Variants in SRCIN1 observed in about 807,000 individuals in gnomAD.
SRCIN1 encodes the protein SRC kinase signaling inhibitor 1, also known as P130Cas-associated protein.
SRCIN1 carries 50 observed loss-of-function variants against 116.2 expected under a neutral mutation model. The ratio of observed to expected loss-of-function variants is 0.43; its 90% CI spans 0.34 to 0.54. SRCIN1 has a LOEUF of 0.54. SRCIN1 is among the 20% of genes least tolerant of loss of function. The pLI is 0.02. For synonymous variants in SRCIN1, 736 were observed against 750.0 expected (o/e 0.98, Z 0.30); for missense variants, 1,446 against 1,672.0 (o/e 0.86, Z 2.36).
chr17:38,562,508 G>C lies in SRCIN1; in HGVS notation c.835-180C>G, dbSNP rs1452425406. Among the ~76,000 whole-genome samples, 1 of 152,242 alleles carries C rather than the reference G, an allele frequency of 6.6e-6. No homozygotes were observed. Among genetic ancestry groups the C allele is most frequent in the African/African-American group, 2.4e-5 (1 of 41,474 alleles). On this transcript the variant is annotated intron_variant, in intron 6 of 18. Coordinates refer to ENST00000617146, the MANE Select transcript of SRCIN1 (RefSeq NM_025248.3). The surrounding 1 kb of genome is among the most constrained non-coding windows in gnomAD (Gnocchi z 4.2). The stretch of plus-strand genomic sequence containing the variant: ...TCAGGGTTCCTAGCATGGAGGAAAA[G>C]GTGGCCGATGAAGAGGCACCAGAGG...
chr17:38,569,772 G>T (rs998403240), intron 2 of SRCIN1, among the ~76,000 whole-genome samples: 1 of 152,184 alleles, frequency 6.6e-6, no homozygotes, highest in African/African-American at 2.4e-5. Context: ...ATGGACTGAG[G>T]CCACCCCCAG....
intron 17 of SRCIN1, among the ~76,000 whole-genome samples, chr17:38,547,266 G>A (rs1365847452): frequency 6.6e-6 from 1 of 152,180 alleles, no homozygotes. Flanking sequence ...ATAGATTCTA[G>A]GGGAAAAACA....
intron 1 of SRCIN1, among the ~76,000 whole-genome samples, chr17:38,595,467 C>T (rs549515406): frequency 1.1e-4 from 16 of 152,320 alleles, no homozygotes; most frequent in African/African-American, 3.8e-4. Context: ...CCGCCTGCCT[C>T]GGCCTCCCAA....
At chr17:38,535,722 G>A (rs2040991139) in intron 18 of SRCIN1, among the ~76,000 whole-genome samples, 1 of 152,040 alleles carries the variant, frequency 6.6e-6, no homozygotes, top group African/African-American at 2.4e-5. Flanking sequence ...ACTTACCTTG[G>A]GCTCAGTCCT....
chr17:38,559,436 T>G, intron 10 of SRCIN1, 149 bp downstream of exon 10: 1 of 775,784 alleles, frequency 1.3e-6, no homozygotes, highest in East Asian at 3.0e-5. Context: ...GGAGAAAGGG[T>G]TCGGAGAGAG....
At chr17:38,603,754 C>G (rs1443270249) in intron 1 of SRCIN1, among the ~76,000 whole-genome samples, 1 of 151,980 alleles carries the variant, frequency 6.6e-6, no homozygotes, top group African/African-American at 2.4e-5. Flanking sequence ...AGGGGGGGTG[C>G]ATCTTATTCT....
chr17:38,538,782 G>A (rs1904551479), intron 18 of SRCIN1, among the ~76,000 whole-genome samples: 1 of 152,140 alleles, frequency 6.6e-6, no homozygotes. Flanking sequence ...CAGGGCAACA[G>A]AATCCAGCAC....
rs1909319650 is a variant in SRCIN1, at chr17:38,605,682, G to A, written c.22+2C>T. 2 of 1,310,442 alleles carry A rather than the reference G, an allele frequency of 1.5e-6. No individual in the cohort carries two copies. The highest frequency in any genetic ancestry group is 4.4e-5 in the South Asian group (2 of 44,958). 81.2% of individuals were successfully genotyped at this position (1,310,442 alleles called of 1,614,324 possible). A position where few individuals can be genotyped will look rare whatever the true frequency, so the allele number is the denominator to read the frequency against. On this transcript the variant is annotated splice_donor_variant, in intron 1 of 18. Transcript: ENST00000617146. LOFTEE classifies it low-confidence loss of function (GC_TO_GT_DONOR). ...TTAGGGAGGAGAGAGACAGGGACAT[G>A]CCTTGGGACGGAGCGTTCCCCATCG...
upstream of SRCIN1, among the ~76,000 whole-genome samples, chr17:38,606,346 G>T (rs1909368405): frequency 6.6e-6 from 1 of 152,022 alleles, no homozygotes; most frequent in Admixed American, 6.5e-5. This position sits in a 1 kb window ranked among gnomAD's most constrained non-coding sequence, Gnocchi z 5.2. Flanking sequence ...GGGGCTGGGT[G>T]GGGAGGCGGG....
At chr17:38,605,475 T>C (rs1161814003) in intron 1 of SRCIN1, among the ~76,000 whole-genome samples, 1 of 135,854 alleles carries the variant, frequency 7.4e-6, no homozygotes, top group Non-Finnish European at 1.6e-5. Flanking sequence ...AGCACTCCTC[T>C]CGCCCGGGTC....
At position 38,564,324 on chromosome 17, in the gene SRCIN1, C is replaced by G. The variant is rs1393311379; in HGVS notation, c.346-11G>C. On this transcript the variant is annotated splice_polypyrimidine_tract_variant and intron_variant, in intron 3 of 18. Transcript: ENST00000617146. ...GCGTGAGCTGCGGGTCTGCAGGGGC[C>G]GGGCAGGGTGAGAGGAACCAAGGAT... is the stretch of plus-strand genomic sequence containing the variant. The G allele has an allele frequency of 1.3e-6, 2 of 1,535,500 alleles. No individual in the cohort carries two copies. Among genetic ancestry groups the G allele is most frequent in the Non-Finnish European group, 1.7e-6 (2 of 1,144,912 alleles).
At chr17:38,590,667 G>A (rs2471631) in intron 1 of SRCIN1, among the ~76,000 whole-genome samples, 38,993 of 152,126 alleles carry the variant, frequency 0.26, 6,614 homozygotes, top group African/African-American at 0.48. Context: ...AAGAAACTGA[G>A]GCTCAGGAAG....
Position 38,562,770 on chromosome 17 carries a change from C to G in SRCIN1, c.834+57G>C. 3 of 1,490,908 alleles carry G rather than the reference C, an allele frequency of 2.0e-6. No individual in the cohort carries two copies. The highest frequency in any genetic ancestry group is 2.8e-6 in the Non-Finnish European group (3 of 1,080,064). 92.4% of individuals were successfully genotyped at this position (1,490,908 alleles called of 1,614,324 possible). Reference sequence around the variant, plus strand: ...CCAGATGACAACTGCCCAGACCCTGCTCCCCTGGACCCCATGTGCCCAGCC... The same window carrying G: ...CCAGATGACAACTGCCCAGACCCTGGTCCCCTGGACCCCATGTGCCCAGCC... On this transcript the variant is annotated intron_variant, in intron 6 of 18. Transcript: ENST00000617146. The surrounding 1 kb of genome is among the most constrained non-coding windows in gnomAD (Gnocchi z 4.2).
Position 38,562,748 on chromosome 17 carries a change from G to T in SRCIN1, c.834+79C>A. 1 of 1,314,576 alleles carries T rather than the reference G, an allele frequency of 7.6e-7. No homozygotes were observed. The highest frequency in any genetic ancestry group is 1.1e-6 in the Non-Finnish European group (1 of 935,884). The allele number at this position is 1,314,576 out of a possible 1,614,324, so 81.4% of individuals were successfully genotyped here. ...TTCTCCAAAGCTGGCCCTGGTTCCAGATGACAACTGCCCAGACCCTGCTCC... is the reference window on the plus strand; with the variant it reads ...TTCTCCAAAGCTGGCCCTGGTTCCATATGACAACTGCCCAGACCCTGCTCC... On this transcript the variant is annotated intron_variant, in intron 6 of 18. Transcript: ENST00000617146. This position sits in a 1 kb window ranked among gnomAD's most constrained non-coding sequence, Gnocchi z 4.2.
chr17:38,548,558 T>C lies in SRCIN1; in HGVS notation c.3269A>G (p.Glu1090Gly). 2.5e-6 allele frequency: 4 copies of C among 1,610,768 alleles called. No homozygotes were observed. Among genetic ancestry groups the C allele is most frequent in the Non-Finnish European group, 2.5e-6 (3 of 1,179,738 alleles). ...GGGGCCAGGTGTGCCCTGACCTACCTCTAGCTCTGCGATGATGCGATCCTC... is the reference window on the plus strand; with the variant it reads ...GGGGCCAGGTGTGCCCTGACCTACCCCTAGCTCTGCGATGATGCGATCCTC... ...DDEDRIIAEL[E>G]SGGGSVPPMK... The change falls in exon 17 of 19, where the codon GAG becomes GGG. Residue 1090 changes from glutamate to glycine, a missense_variant and splice_region_variant. By Grantham distance (98) the Glu-to-Gly change is moderately conservative. This residue lies in a region of SRCIN1 where 531 missense variants were observed against 633.9 expected (regional missense o/e 0.84). Coordinates refer to ENST00000617146, the MANE Select transcript of SRCIN1 (RefSeq NM_025248.3).
intron 17 of SRCIN1, among the ~76,000 whole-genome samples, chr17:38,547,020 G>T (rs1905115994): frequency 6.6e-6 from 1 of 152,214 alleles, no homozygotes; most frequent in Non-Finnish European, 1.5e-5. Flanking sequence ...CAGACAGCAG[G>T]TTCACCCCCA....
chr17:38,554,362 C>T (rs145126216), intron 11 of SRCIN1, among the ~76,000 whole-genome samples: 377 of 152,320 alleles, frequency 2.5e-3, no homozygotes, highest in African/African-American at 8.4e-3. Flanking sequence ...CTGGCTTCTG[C>T]TTAGAGCCCT....
In SRCIN1 at chr17:38,550,421, G is replaced by C. The variant is rs150578984; in HGVS notation, c.2962+734C>G. Among the ~76,000 whole-genome samples the C allele has an allele frequency of 7.9e-3, 1,197 of 152,282 alleles. 11 individuals are homozygous for C. The highest frequency in any genetic ancestry group is 0.027 in the African/African-American group (1,140 of 41,552). On this transcript the variant is annotated intron_variant, in intron 15 of 18. Coordinates refer to ENST00000617146, the MANE Select transcript of SRCIN1 (RefSeq NM_025248.3). ...AGGCAGGAGAATGGCGAGAACCCAG[G>C]AGGCGGAGCTTGTAGTGAGCCAAGA... is the stretch of plus-strand genomic sequence containing the variant.
intron 9 of SRCIN1, 82 bp downstream of exon 9, chr17:38,559,972 T>C (rs1906119077): frequency 7.3e-7 from 1 of 1,366,100 alleles, no homozygotes; most frequent in African/African-American, 1.4e-5. Context: ...GCCAGTGATG[T>C]AGCTATTGCT....
Sources: gnomAD v4.1 joint callset for allele counts (sites outside exome capture counted in the v4.1 genomes callset) on GRCh38, gnomAD v4.1.1 for gene constraint, gnomAD v4.1.1 regional missense constraint, Gnocchi (gnomAD v3.1) non-coding constraint, MANE v1.5 for transcripts, NCBI Gene and HGNC (gene_info 2026-07-23, HGNC 2026-07-21) for gene names.